The following CR1L variants were observed in gnomAD, a reference collection of about 807,000 sequenced individuals.
CR1L encodes the protein complement component receptor 1-like protein.
CR1L carries 59 observed loss-of-function variants against 62.3 expected under a neutral mutation model. That is an observed-to-expected ratio of 0.95 (90% CI 0.77 to 1.18). CR1L has a LOEUF of 1.18. Ranked by LOEUF, CR1L falls within the 50% of genes most tolerant of loss-of-function variation. The pLI, the probability that CR1L is intolerant of heterozygous loss-of-function variation, is 0.00. For missense variants in CR1L, 700 were observed against 702.8 expected (o/e 1.00, Z 0.04); for synonymous variants, 279 against 248.7 (o/e 1.12, Z -1.15).
At chr1:207,658,085 C>T (rs752196188) in intron 1 of CR1L, among the ~76,000 whole-genome samples, 9 of 152,054 alleles carry the variant, frequency 5.9e-5, no homozygotes, top group Non-Finnish European at 1.3e-4. Flanking sequence ...TGAATTGAAT[C>T]ATAACACATC....
intron 10 of CR1L, among the ~76,000 whole-genome samples, chr1:207,710,083 G>A (rs767996689): frequency 1.3e-5 from 2 of 152,006 alleles, no homozygotes; most frequent in Admixed American, 6.6e-5. Flanking sequence ...GATGGCTCAC[G>A]CCTGTAATCT....
At chr1:207,674,748 T>G (rs963648540) in intron 1 of CR1L, among the ~76,000 whole-genome samples, 1 of 152,252 alleles carries the variant, frequency 6.6e-6, no homozygotes, top group Non-Finnish European at 1.5e-5. Context: ...TTGGAATCTC[T>G]TCCTTTGTCT....
chr1:207,677,246 C>T, intron 1 of CR1L, 143 bp from the exon 2 acceptor site: 1 of 771,446 alleles, frequency 1.3e-6, no homozygotes. Context: ...TTGCTTGAAC[C>T]TGTGAGGCAG....
intron 10 of CR1L, 49 bp from the exon 11 acceptor site, chr1:207,717,415 T>C: frequency 1.3e-6 from 2 of 1,583,920 alleles, no homozygotes; most frequent in Non-Finnish European, 1.7e-6. Context: ...ATTTCAGTCA[T>C]CTTAAGTGAA....
At chr1:207,662,317 C>A (rs1169654043) in intron 1 of CR1L, among the ~76,000 whole-genome samples, 1 of 152,188 alleles carries the variant, frequency 6.6e-6, no homozygotes. Flanking sequence ...TCCATATAGT[C>A]CCATATTTCT....
At chr1:207,702,497 G>A (rs906779282) in intron 9 of CR1L, among the ~76,000 whole-genome samples, 2 of 152,198 alleles carry the variant, frequency 1.3e-5, no homozygotes, top group Admixed American at 1.3e-4. Context: ...GCTTAGTGAG[G>A]AAGATATGTT....
chr1:207,721,453 G>C (rs1040209566), intron 11 of CR1L, among the ~76,000 whole-genome samples: 15 of 150,348 alleles, frequency 1.0e-4, no homozygotes, highest in Non-Finnish European at 1.5e-5. Flanking sequence ...TTGGTTTTTC[G>C]TTCTTGCGAT....
chr1:207,681,830 T>C (rs920712300), intron 3 of CR1L, among the ~76,000 whole-genome samples: 3 of 152,242 alleles, frequency 2.0e-5, no homozygotes, highest in African/African-American at 7.2e-5. Flanking sequence ...ACTTGTTTAC[T>C]TCATTTGTTC....
chr1:207,647,206 A>G (rs1663140700), intron 1 of CR1L, among the ~76,000 whole-genome samples: 1 of 152,226 alleles, frequency 6.6e-6, no homozygotes, highest in Non-Finnish European at 1.5e-5. Context: ...GGAAAGGAGT[A>G]TAATTTTCTG....
chr1:207,691,479 TAAA>T (rs1663995970), intron 4 of CR1L, among the ~76,000 whole-genome samples: 1 of 151,934 alleles, frequency 6.6e-6, no homozygotes, highest in African/African-American at 2.4e-5. Flanking sequence ...AATTTAATAA[TAAA>T]AAGTTAAAAT....
At chr1:207,648,478 G>A (rs1663170875) in intron 1 of CR1L, among the ~76,000 whole-genome samples, 2 of 152,146 alleles carry the variant, frequency 1.3e-5, no homozygotes, top group African/African-American at 4.8e-5. Flanking sequence ...TCAATTTTTG[G>A]AGCAACTCAC....
At chr1:207,645,986 T>G (rs1198055554) in intron 1 of CR1L, among the ~76,000 whole-genome samples, 1 of 152,120 alleles carries the variant, frequency 6.6e-6, no homozygotes, top group African/African-American at 2.4e-5. Flanking sequence ...AGGGAGGGCA[T>G]GTTGAGTGAG....
chr1:207,683,418 T>C (rs1019929118), intron 3 of CR1L, among the ~76,000 whole-genome samples: 3 of 152,094 alleles, frequency 2.0e-5, no homozygotes, highest in Non-Finnish European at 4.4e-5. Flanking sequence ...ATTACAGGCG[T>C]GAGCCACTGT....
At chr1:207,667,196 A>G (rs753193033) in intron 1 of CR1L, among the ~76,000 whole-genome samples, 5 of 152,188 alleles carry the variant, frequency 3.3e-5, no homozygotes, top group East Asian at 3.8e-4. Context: ...TCCCCACCCA[A>G]TGGTTTCCTA....
intron 1 of CR1L, among the ~76,000 whole-genome samples, chr1:207,659,626 T>A (rs1331399807): frequency 6.6e-6 from 1 of 152,164 alleles, no homozygotes; most frequent in Non-Finnish European, 1.5e-5. Context: ...CCAACTGAAG[T>A]ACCTGGTTCA....
intron 1 of CR1L, among the ~76,000 whole-genome samples, chr1:207,671,185 A>G (rs1184988247): frequency 2.0e-5 from 3 of 150,912 alleles, no homozygotes; most frequent in Non-Finnish European, 4.4e-5. Context: ...TGAGAGAGGT[A>G]TTTTGAAAAT....
intron 4 of CR1L, among the ~76,000 whole-genome samples, chr1:207,686,577 C>A (rs1413372698): frequency 6.6e-6 from 1 of 152,130 alleles, no homozygotes; most frequent in African/African-American, 2.4e-5. Context: ...TTCTTAAAAT[C>A]AACTAAGTCA....
At chr1:207,660,769 T>C (rs1376846096) in intron 1 of CR1L, among the ~76,000 whole-genome samples, 19 of 152,324 alleles carry the variant, frequency 1.2e-4, no homozygotes, top group African/African-American at 4.1e-4. Flanking sequence ...CCTGCTTTCT[T>C]TTGTGGGCAT....
chr1:207,712,856 T>C (rs1193208475), intron 10 of CR1L, among the ~76,000 whole-genome samples: 2 of 152,226 alleles, frequency 1.3e-5, no homozygotes, highest in Non-Finnish European at 2.9e-5. Flanking sequence ...ATCCTTTGTT[T>C]GTGATGAAGG....
Sources: gnomAD v4.1 joint callset for allele counts (sites outside exome capture counted in the v4.1 genomes callset) on GRCh38, gnomAD v4.1.1 for gene constraint, MANE v1.5 for transcripts, NCBI Gene and HGNC (gene_info 2026-07-23, HGNC 2026-07-21) for gene names.